PTGFRN: variants seen among roughly 807,000 people sequenced by gnomAD.
PTGFRN encodes the protein prostaglandin F2 receptor negative regulator.
PTGFRN carries 35 observed loss-of-function variants against 83.2 expected under a neutral mutation model. The observed-to-expected ratio is 0.42, with a 90% confidence interval of 0.32 to 0.56. The LOEUF (loss-of-function observed/expected upper bound fraction) is 0.56. PTGFRN is among the 20% of genes least tolerant of loss of function. PTGFRN has a pLI of 0.11. For synonymous variants in PTGFRN, 519 were observed against 498.6 expected (o/e 1.04, Z -0.55); for missense variants, 1,051 against 1,179.5 (o/e 0.89, Z 1.60).
chr1:116,969,790 T>C (rs1650940187), intron 6 of PTGFRN, among the ~76,000 whole-genome samples: 1 of 152,228 alleles, frequency 6.6e-6, no homozygotes, highest in Non-Finnish European at 1.5e-5. Context: ...TAGTTTTCAG[T>C]GTACAGATCT....
Position 116,987,083 on chromosome 1 carries a change from A to C in PTGFRN, c.*116A>C. ...CTAAAAACCAGTCCTCTCTAATCTC[A>C]GGTGGGACTTGGCGCTCTCTCTTTT... is the stretch of plus-strand genomic sequence containing the variant. On this transcript the variant is annotated 3_prime_UTR_variant, in exon 9 of 9. Transcript: ENST00000393203. 9 of 1,250,012 alleles carry C rather than the reference A, an allele frequency of 7.2e-6. No homozygotes were observed. The highest frequency in any genetic ancestry group is 8.9e-6 in the Non-Finnish European group (8 of 897,146). 77.4% of individuals were successfully genotyped at this position (1,250,012 alleles called of 1,614,324 possible).
At position 116,918,539 on chromosome 1, in the gene PTGFRN, G is replaced by A. The variant is rs1036683891; in HGVS notation, c.49+8287G>A. ...AACAAGATCCGCAGGGGATTCAAAT[G>A]CATGCTAAAGTTTAAGAAGCATGTC... On this transcript the variant is annotated intron_variant, in intron 1 of 8. Transcript: ENST00000393203. This position sits in a 1 kb window ranked among gnomAD's most constrained non-coding sequence, Gnocchi z 4.1. 3.3e-5 allele frequency among the ~76,000 whole-genome samples: 5 copies of A among 152,222 alleles called. No homozygotes were observed. The highest frequency in any genetic ancestry group is 1.2e-4 in the African/African-American group (5 of 41,462).
chr1:116,934,012 CTG>C (rs1479327986), intron 1 of PTGFRN, among the ~76,000 whole-genome samples: 1 of 152,216 alleles, frequency 6.6e-6, no homozygotes, highest in African/African-American at 2.4e-5. Flanking sequence ...TTCTGGGCCT[CTG>C]TGACACATAT....
chr1:116,957,368 A>G (rs929381659), intron 4 of PTGFRN, among the ~76,000 whole-genome samples: 1 of 151,996 alleles, frequency 6.6e-6, no homozygotes, highest in African/African-American at 2.4e-5. Context: ...TGAGCAGGCC[A>G]GGGAGTGGGA....
At chr1:116,926,064 AG>A (rs67287491) in intron 1 of PTGFRN, among the ~76,000 whole-genome samples, 25,154 of 152,118 alleles carry the variant, frequency 0.17, 4,427 homozygotes, top group African/African-American at 0.44. Context: ...TGAGAAGGGC[AG>A]GCTTAAAGTG....
At chr1:116,975,448 G>A (rs1005707681) in intron 7 of PTGFRN, among the ~76,000 whole-genome samples, 6 of 152,176 alleles carry the variant, frequency 3.9e-5, no homozygotes, top group South Asian at 2.1e-4. Flanking sequence ...CCTGACCCCC[G>A]AGTAGCCTAA....
chr1:116,936,582 G>A (rs1300489561), intron 1 of PTGFRN, among the ~76,000 whole-genome samples: 6 of 152,226 alleles, frequency 3.9e-5, no homozygotes, highest in Non-Finnish European at 8.8e-5. Flanking sequence ...TCTTACAAGA[G>A]GGTGAAGAGA....
intron 7 of PTGFRN, among the ~76,000 whole-genome samples, chr1:116,977,118 G>C: frequency 6.6e-6 from 1 of 150,514 alleles, no homozygotes; most frequent in African/African-American, 2.4e-5. Flanking sequence ...GATCAAAAGA[G>C]ACAAAGAAGG....
intron 1 of PTGFRN, among the ~76,000 whole-genome samples, chr1:116,920,786 G>A (rs556584155): frequency 6.6e-6 from 1 of 152,226 alleles, no homozygotes; most frequent in East Asian, 1.9e-4. Flanking sequence ...ACTACACCGG[G>A]CTAATTTTTG....
At chr1:116,964,664 AATATTACATT>A (rs1345359914) in intron 5 of PTGFRN, among the ~76,000 whole-genome samples, 27 of 152,218 alleles carry the variant, frequency 1.8e-4, no homozygotes, top group Non-Finnish European at 2.8e-4. Context: ...CTCCAGACTC[AATATTACATT>A]GCCTCCTTGA....
At chr1:116,912,902 C>T (rs931847826) in intron 1 of PTGFRN, among the ~76,000 whole-genome samples, 2 of 152,216 alleles carry the variant, frequency 1.3e-5, no homozygotes, top group African/African-American at 4.8e-5. Flanking sequence ...AACTCACTTT[C>T]TCCATGAAGC....
rs967283169 is a variant in PTGFRN, at chr1:116,989,534, G to A, written c.*2567G>A. 5 of 152,634 alleles carry A rather than the reference G, an allele frequency of 3.3e-5. No homozygotes were observed. The highest frequency in any genetic ancestry group is 2.6e-4 in the Admixed American group (4 of 15,286). 9.5% of individuals were successfully genotyped at this position (152,634 alleles called of 1,614,324 possible). On this transcript the variant is annotated 3_prime_UTR_variant, in exon 9 of 9. Transcript: ENST00000393203. ...GTGTGAATGAAAGAGAGACCCAGCC[G>A]CGTCTCACACAGGTGGAATTGCACT... is the stretch of plus-strand genomic sequence containing the variant.
intron 7 of PTGFRN, among the ~76,000 whole-genome samples, chr1:116,980,333 A>G (rs1299967221): frequency 6.6e-6 from 1 of 152,232 alleles, no homozygotes; most frequent in Admixed American, 6.5e-5. Flanking sequence ...AGAAATAGAA[A>G]TACCATTTGA....
chr1:116,983,498 CAAAAAA>C (rs71096893), intron 7 of PTGFRN, among the ~76,000 whole-genome samples: 1 of 104,034 alleles, frequency 9.6e-6, no homozygotes, highest in Non-Finnish European at 1.9e-5. Flanking sequence ...ACACTGGGAA[CAAAAAA>C]AAAAAAAAAA....
chr1:116,929,241 A>G (rs1649733670), intron 1 of PTGFRN, among the ~76,000 whole-genome samples: 1 of 152,196 alleles, frequency 6.6e-6, no homozygotes, highest in Admixed American at 6.5e-5. Flanking sequence ...TACACAAGTT[A>G]AGTCCTGAAT....
At chr1:116,947,823 C>T (rs1365642695) in intron 3 of PTGFRN, among the ~76,000 whole-genome samples, 1 of 152,184 alleles carries the variant, frequency 6.6e-6, no homozygotes, top group Non-Finnish European at 1.5e-5. Flanking sequence ...TACCCTCAGG[C>T]TACTTTTGGC....
rs374428950 is a variant in PTGFRN at position 116,965,548 on chromosome 1, T to C, written c.1640-1363T>C. 2.2e-3 allele frequency among the ~76,000 whole-genome samples: 342 copies of C among 152,246 alleles called. 4 individuals are homozygous for C. The South Asian group carries it at 0.026, about 12-fold the overall frequency. ...AATCCTCTCGCCTCAGCCTCTCTAATCAGTGAGATTACAGGAATGAGCCAC... is the reference window on the plus strand; with the variant it reads ...AATCCTCTCGCCTCAGCCTCTCTAACCAGTGAGATTACAGGAATGAGCCAC... On this transcript the variant is annotated intron_variant, in intron 5 of 8. Coordinates refer to ENST00000393203, the MANE Select transcript of PTGFRN (RefSeq NM_020440.4).
chr1:116,980,494 G>T (rs550794041), intron 7 of PTGFRN, among the ~76,000 whole-genome samples: 1 of 152,274 alleles, frequency 6.6e-6, no homozygotes, highest in Non-Finnish European at 1.5e-5. Context: ...AGAAAATGTG[G>T]CACATATACA....
intron 6 of PTGFRN, among the ~76,000 whole-genome samples, chr1:116,973,102 G>C (rs1387180128): frequency 6.6e-6 from 1 of 152,004 alleles, no homozygotes; most frequent in Non-Finnish European, 1.5e-5. Flanking sequence ...AATTTTTGTA[G>C]AGGCGGGATT....
Sources: allele counts gnomAD v4.1 joint callset (sites outside exome capture counted in the v4.1 genomes callset), GRCh38; gene constraint gnomAD v4.1.1; non-coding constraint Gnocchi (gnomAD v3.1); transcripts MANE v1.5; gene names NCBI Gene and HGNC (gene_info 2026-07-23, HGNC 2026-07-21).